Variants in TRIO observed in about 807,000 individuals in gnomAD.
TRIO encodes the protein triple functional domain protein.
Under a neutral mutation model 351.9 loss-of-function variants are expected in TRIO, and 58 were observed. That is an observed-to-expected ratio of 0.16 (90% CI 0.13 to 0.21). TRIO has a LOEUF of 0.21. Ranked by LOEUF, TRIO falls within the 10% of genes least tolerant of loss-of-function variation. The probability of loss-of-function intolerance (pLI) is 1.00; values close to 1 mark genes in which losing one functional copy is unlikely to be tolerated. For missense variants in TRIO, 3,201 were observed against 4,027.8 expected (o/e 0.79, Z 5.56); for synonymous variants, 1,758 against 1,595.7 (o/e 1.10, Z -2.42).
intron 31 of TRIO, 56 bp downstream of exon 31, chr5:14,401,120 A>G: frequency 7.0e-7 from 1 of 1,431,198 alleles, no homozygotes; most frequent in Non-Finnish European, 9.7e-7. Flanking sequence ...GTGGCCATCC[A>G]TGCTTGCTTT....
Position 14,488,055 on chromosome 5 carries a change from G to A in TRIO, c.7427G>A (p.Ser2476Asn). Residue 2476 changes from serine to asparagine, a missense_variant, in exon 48 of 57, where the codon AGC becomes AAC. Physicochemically the swap from Ser to Asn is conservative, Grantham distance 46. Around this residue, in one of 19 missense-constraint regions of TRIO, gnomAD observed 1,089 missense variants for 954.9 expected, o/e 1.14. Coordinates refer to ENST00000344204, the MANE Select transcript of TRIO (RefSeq NM_007118.4). Reference protein sequence around the residue: ...PSLGKEPFPPSSPLQKGGSFW... With the variant: ...PSLGKEPFPPNSPLQKGGSFW... The stretch of plus-strand genomic sequence containing the variant: ...CTCGGCAAGGAGCCCTTCCCCCCCA[G>A]CAGCCCCCTGCAGAAGGGGGGCTCC... 6.2e-7 allele frequency: 1 copy of A among 1,609,114 alleles called. No homozygotes were observed. The highest frequency in any genetic ancestry group is 8.5e-7 in the Non-Finnish European group (1 of 1,178,710).
chr5:14,480,634 GT>G (rs1755441947), intron 43 of TRIO, among the ~76,000 whole-genome samples: 1 of 152,132 alleles, frequency 6.6e-6, no homozygotes, highest in African/African-American at 2.4e-5. Context: ...ATATTCCTTC[GT>G]GTACAACGCC....
At chr5:14,283,451 G>C (rs1413079264) in intron 3 of TRIO, among the ~76,000 whole-genome samples, 1 of 152,226 alleles carries the variant, frequency 6.6e-6, no homozygotes, top group East Asian at 1.9e-4. Flanking sequence ...ATCTGAAAAT[G>C]TGATAATGAC....
intron 24 of TRIO, among the ~76,000 whole-genome samples, chr5:14,389,031 A>G (rs1359467276): frequency 2.0e-5 from 3 of 152,344 alleles, no homozygotes; most frequent in Non-Finnish European, 4.4e-5. Flanking sequence ...AATATTGGTT[A>G]TACTTGTGGA....
chr5:14,507,630 A>G (rs913665055), intron 56 of TRIO, among the ~76,000 whole-genome samples: 2 of 152,070 alleles, frequency 1.3e-5, no homozygotes, highest in Admixed American at 1.3e-4. Flanking sequence ...GCCTGGTTTC[A>G]TTAGGCTACT....
intron 48 of TRIO, among the ~76,000 whole-genome samples, chr5:14,489,769 T>A (rs1756340419): frequency 6.6e-6 from 1 of 152,236 alleles, no homozygotes; most frequent in Non-Finnish European, 1.5e-5. Context: ...ATGCTGTCTC[T>A]GAGGCCAAGG....
At chr5:14,242,965 C>T (rs1244023450) in intron 1 of TRIO, among the ~76,000 whole-genome samples, 1 of 152,216 alleles carries the variant, frequency 6.6e-6, no homozygotes, top group Non-Finnish European at 1.5e-5. Flanking sequence ...GGATACCTTG[C>T]TCGGGCAGAG....
chr5:14,310,119 G>T (rs1471494087), intron 8 of TRIO, among the ~76,000 whole-genome samples: 1 of 152,250 alleles, frequency 6.6e-6, no homozygotes, highest in Non-Finnish European at 1.5e-5. Context: ...GTTGGCTACA[G>T]TTGATCACAA....
intron 18 of TRIO, 61 bp from the exon 19 acceptor site, chr5:14,374,168 A>T: frequency 7.8e-7 from 1 of 1,288,448 alleles, no homozygotes; most frequent in Non-Finnish European, 1.1e-6. Context: ...AGTGATGTGT[A>T]CTCCAAATAC....
At chr5:14,463,021 G>C in intron 36 of TRIO, 96 bp downstream of exon 36, 2 of 1,409,566 alleles carry the variant, frequency 1.4e-6, no homozygotes, top group East Asian at 2.7e-5. Flanking sequence ...CAGGAGACAG[G>C]AGGCCCCAAG....
intron 37 of TRIO, among the ~76,000 whole-genome samples, chr5:14,468,768 T>G (rs1324826581): frequency 6.6e-6 from 1 of 152,234 alleles, no homozygotes; most frequent in Non-Finnish European, 1.5e-5. Flanking sequence ...TGTTTATTCT[T>G]CAGAAACTCT....
intron 11 of TRIO, among the ~76,000 whole-genome samples, chr5:14,348,140 G>A (rs1474474479): frequency 6.6e-6 from 1 of 152,166 alleles, no homozygotes; most frequent in East Asian, 1.9e-4. Context: ...CAGTCCCTAT[G>A]TCGTTTTGTT....
At chr5:14,198,359 G>T (rs960807249) in intron 1 of TRIO, among the ~76,000 whole-genome samples, 2 of 152,082 alleles carry the variant, frequency 1.3e-5, no homozygotes, top group African/African-American at 4.8e-5. Context: ...CTGTTCCCTT[G>T]TGCCCTGCTC....
chr5:14,378,794 A>C (rs1426186410), intron 20 of TRIO, among the ~76,000 whole-genome samples: 2 of 152,178 alleles, frequency 1.3e-5, no homozygotes, highest in African/African-American at 4.8e-5. Context: ...TCCTGACCTC[A>C]GGTGATCTGC....
In TRIO at chr5:14,189,724, T is replaced by A. The variant is rs931024322; in HGVS notation, c.157+45842T>A. On this transcript the variant is annotated intron_variant, in intron 1 of 56. Coordinates refer to ENST00000344204, the MANE Select transcript of TRIO (RefSeq NM_007118.4). Reference sequence around the variant, plus strand: ...AGCTGCTGTTCTGAATGTCTTCGTTTTAACTTTTTTTTTTTTTTCAAGATG... The same window carrying A: ...AGCTGCTGTTCTGAATGTCTTCGTTATAACTTTTTTTTTTTTTTCAAGATG... Among the ~76,000 whole-genome samples the A allele has an allele frequency of 8.0e-5, 12 of 150,930 alleles. 1 individual carries two copies. The highest frequency in any genetic ancestry group is 1.3e-4 in the Admixed American group (2 of 15,220).
intron 19 of TRIO, among the ~76,000 whole-genome samples, chr5:14,376,207 C>G (rs1286622469): frequency 6.6e-6 from 1 of 152,174 alleles, no homozygotes; most frequent in Non-Finnish European, 1.5e-5. Flanking sequence ...TGGAAAACTT[C>G]CTATATTAAT....
intron 1 of TRIO, among the ~76,000 whole-genome samples, chr5:14,241,214 G>A (rs1794105647): frequency 6.6e-6 from 1 of 152,242 alleles, no homozygotes; most frequent in Middle Eastern, 3.4e-3. Flanking sequence ...TGAACTACAA[G>A]TATAGACATT....
chr5:14,358,415 T>G, intron 12 of TRIO, 68 bp downstream of exon 12: 6 of 1,574,512 alleles, frequency 3.8e-6, no homozygotes, highest in Non-Finnish European at 5.2e-6. Context: ...CTTCCCCTTT[T>G]ACTCTTGTGA....
rs534497115 is a variant in TRIO, at chr5:14,296,897, T to C, written c.1177-175T>C. Among the ~76,000 whole-genome samples, 142 of 152,340 alleles carry C rather than the reference T, an allele frequency of 9.3e-4. 1 individual carries two copies. Among genetic ancestry groups the C allele is most frequent in the African/African-American group, 3.4e-3 (140 of 41,574 alleles). On this transcript the variant is annotated intron_variant, in intron 6 of 56. Coordinates refer to ENST00000344204, the MANE Select transcript of TRIO (RefSeq NM_007118.4). ...GAAATGGAAACCAATACTTCAAGTT[T>C]ATGGAAATCTAGAGAGCAAATATGT...
Sources: gnomAD v4.1 joint callset for allele counts (sites outside exome capture counted in the v4.1 genomes callset) on GRCh38, gnomAD v4.1.1 for gene constraint, gnomAD v4.1.1 regional missense constraint, MANE v1.5 for transcripts, NCBI Gene and HGNC (gene_info 2026-07-23, HGNC 2026-07-21) for gene names.